ANPEP: variants seen among roughly 807,000 people sequenced by gnomAD.
ANPEP encodes the protein aminopeptidase N.
In ANPEP, 70 loss-of-function variants were observed where a neutral mutation model predicts 114.6. That is an observed-to-expected ratio of 0.61 (90% CI 0.50 to 0.75). The LOEUF (loss-of-function observed/expected upper bound fraction) is 0.75. Ranked by LOEUF, ANPEP falls within the 30% of genes least tolerant of loss-of-function variation. The pLI, the probability that ANPEP is intolerant of heterozygous loss-of-function variation, is 0.00. For synonymous variants in ANPEP, 548 were observed against 522.3 expected (o/e 1.05, Z -0.67); for missense variants, 1,184 against 1,259.5 (o/e 0.94, Z 0.91).
intron 15 of ANPEP, among the ~76,000 whole-genome samples, chr15:89,795,944 G>A (rs1968719092): frequency 6.6e-6 from 1 of 152,238 alleles, no homozygotes; most frequent in Non-Finnish European, 1.5e-5. Context: ...GCTGGGCACA[G>A]TGGCTCACGC....
intron 1 of ANPEP, among the ~76,000 whole-genome samples, chr15:89,808,881 C>T (rs890111414): frequency 2.0e-5 from 3 of 152,212 alleles, no homozygotes; most frequent in African/African-American, 4.8e-5. Flanking sequence ...AAATACCTGC[C>T]GCCTCTCGTC....
chr15:89,793,148 T>C, intron 15 of ANPEP, 22 bp from the exon 16 acceptor site: 1 of 1,599,728 alleles, frequency 6.3e-7, no homozygotes. Context: ...AAAATATGAA[T>C]CTCATCAAAG....
Position 89,799,708 on chromosome 15 carries a change from A to C in ANPEP, c.1820-149T>G. ...GCTAAGGGTGGGGAAGGAAGGGATGAGGAACTGGGCTGCCAGTGGCTTCAC... is the reference window on the plus strand; with the variant it reads ...GCTAAGGGTGGGGAAGGAAGGGATGCGGAACTGGGCTGCCAGTGGCTTCAC... On this transcript the variant is annotated intron_variant, in intron 12 of 20. Coordinates refer to ENST00000300060, the MANE Select transcript of ANPEP (RefSeq NM_001150.3). This position sits in a 1 kb window ranked among gnomAD's most constrained non-coding sequence, Gnocchi z 4.2. 2 of 1,193,794 alleles carry C rather than the reference A, an allele frequency of 1.7e-6. No individual in the cohort carries two copies. The highest frequency in any genetic ancestry group is 2.4e-6 in the Non-Finnish European group (2 of 848,062). 74.0% of individuals were successfully genotyped at this position (1,193,794 alleles called of 1,614,324 possible). A position where few individuals can be genotyped will look rare whatever the true frequency, so the allele number is the denominator to read the frequency against.
intron 1 of ANPEP, among the ~76,000 whole-genome samples, chr15:89,809,993 A>C (rs1596172436): frequency 1.3e-5 from 2 of 151,294 alleles, no homozygotes; most frequent in Admixed American, 1.3e-4. Flanking sequence ...TCAAAACCCA[A>C]CTCAATGTCA....
At chr15:89,802,519 C>G (rs534354913) in intron 10 of ANPEP, 1 of 152,694 alleles carries the variant, frequency 6.5e-6, no homozygotes, top group South Asian at 2.1e-4. Context: ...ATTTGAGGCT[C>G]GGAACTCTGG....
In ANPEP at chr15:89,804,337, GTTCTCCCGGT is replaced by G; in HGVS notation, c.1085_1094del (p.Tyr362SerfsTer21). On this transcript the variant is annotated frameshift_variant, in exon 6 of 21. Transcript: ENST00000300060. LOFTEE classifies it high-confidence loss of function. The stretch of plus-strand genomic sequence containing the variant: ...AGGACAGGGGGTCGAACAGCAGGGA[GTTCTCCCGGT>G]AGGTCACCAGTCCCCAGTTCTCCAT... 6.2e-7 allele frequency: 1 copy of G among 1,614,208 alleles called. No individual in the cohort carries two copies. The highest frequency in any genetic ancestry group is 8.5e-7 in the Non-Finnish European group (1 of 1,180,036).
chr15:89,811,829 T>C (rs562370108), intron 1 of ANPEP, among the ~76,000 whole-genome samples: 21 of 152,224 alleles, frequency 1.4e-4, no homozygotes, highest in Middle Eastern at 3.4e-3. Flanking sequence ...AATGCATGTG[T>C]TCCTTTCGCT....
chr15:89,795,908 C>T (rs1968718502), intron 15 of ANPEP, among the ~76,000 whole-genome samples: 1 of 152,168 alleles, frequency 6.6e-6, no homozygotes, highest in African/African-American at 2.4e-5. Flanking sequence ...AATAGGACTC[C>T]AGGAGGAGTC....
At chr15:89,797,444 TG>T in intron 15 of ANPEP, 130 bp downstream of exon 15, 1 of 1,301,512 alleles carries the variant, frequency 7.7e-7, no homozygotes, top group Non-Finnish European at 1.0e-6. Context: ...TCTTTTTTTT[TG>T]GTTTTTTGTT....
intron 1 of ANPEP, among the ~76,000 whole-genome samples, chr15:89,814,452 C>T (rs1456305561): frequency 6.6e-6 from 1 of 152,164 alleles, no homozygotes; most frequent in Non-Finnish European, 1.5e-5. Context: ...CGCTCCGCCG[C>T]CCTCCCCGTC....
At position 89,801,179 on chromosome 15, in the gene ANPEP, C is replaced by T; in HGVS notation, c.1751G>A (p.Trp584Ter). 6.2e-7 allele frequency: 1 copy of T among 1,614,104 alleles called. No homozygotes were observed. The highest frequency in any genetic ancestry group is 2.2e-5 in the East Asian group (1 of 44,872). Residue 584 changes from tryptophan to a stop codon, truncating the protein, a stop_gained, in exon 12 of 21, where the codon TGG (tryptophan) becomes TAG (stop). Coordinates refer to ENST00000300060, the MANE Select transcript of ANPEP (RefSeq NM_001150.3). LOFTEE classifies it high-confidence loss of function. ...TCTGATGGATGTGATGGGCACAATC[C>T]ACACGTAGCTGCAATTAAAGATCCA... ...VTRPSEFNYV[W>*]IVPITSIRDG... is the part of the protein sequence containing the mutation.
chr15:89,807,885 C>A (rs1894750241), intron 1 of ANPEP, among the ~76,000 whole-genome samples: 1 of 152,144 alleles, frequency 6.6e-6, no homozygotes, highest in Non-Finnish European at 1.5e-5. Context: ...ACCGCCTGAC[C>A]TCACTCCACA....
Position 89,801,619 on chromosome 15 carries a change from G to T in ANPEP, c.1570-12C>A. The T allele has an allele frequency of 6.2e-7, 1 of 1,611,694 alleles. No individual in the cohort carries two copies. Among genetic ancestry groups the T allele is most frequent in the Non-Finnish European group, 8.5e-7 (1 of 1,178,484 alleles). Reference sequence around the variant, plus strand: ...CGGTTGTTCACAGCCTGTGGGTGGAGCGAGAGGGCGTGGCCATCAGTGGGA... The same window carrying T: ...CGGTTGTTCACAGCCTGTGGGTGGATCGAGAGGGCGTGGCCATCAGTGGGA... On this transcript the variant is annotated splice_polypyrimidine_tract_variant and intron_variant, in intron 10 of 20. Transcript: ENST00000300060.
intron 6 of ANPEP, 28 bp from the exon 7 acceptor site, chr15:89,804,030 G>T: frequency 6.2e-7 from 1 of 1,609,278 alleles, no homozygotes; most frequent in South Asian, 1.1e-5. Context: ...AGCTGGGCAA[G>T]CCACGCCCAG....
chr15:89,792,062 G>T, intron 18 of ANPEP, 98 bp downstream of exon 18: 1 of 1,397,190 alleles, frequency 7.2e-7, no homozygotes, highest in Non-Finnish European at 9.8e-7. Flanking sequence ...ACAGGTCTGT[G>T]GGGGTCACGT....
intron 20 of ANPEP, among the ~76,000 whole-genome samples, chr15:89,790,229 G>C (rs1040348936): frequency 1.3e-5 from 2 of 152,150 alleles, no homozygotes; most frequent in African/African-American, 4.8e-5. Context: ...GTACATGGAG[G>C]TTCATTATAC....
intron 1 of ANPEP, among the ~76,000 whole-genome samples, chr15:89,808,837 C>T (rs993493109): frequency 1.3e-5 from 2 of 152,190 alleles, no homozygotes; most frequent in Non-Finnish European, 2.9e-5. Flanking sequence ...TGAAGGGACA[C>T]GTGGATTAGT....
chr15:89,801,876 G>A (rs1311321894), intron 10 of ANPEP, among the ~76,000 whole-genome samples: 1 of 152,200 alleles, frequency 6.6e-6, no homozygotes, highest in Non-Finnish European at 1.5e-5. Flanking sequence ...GTCAGGGAGG[G>A]GGTGCCCAGG....
chr15:89,791,158 G>A, intron 18 of ANPEP, 65 bp from the exon 19 acceptor site: 1 of 1,568,004 alleles, frequency 6.4e-7, no homozygotes. Context: ...AACTTGGACT[G>A]TCCCACGCAC....
Sources: allele counts gnomAD v4.1 joint callset (sites outside exome capture counted in the v4.1 genomes callset), GRCh38; gene constraint gnomAD v4.1.1; non-coding constraint Gnocchi (gnomAD v3.1); transcripts MANE v1.5; gene names NCBI Gene and HGNC (gene_info 2026-07-23, HGNC 2026-07-21).